Variants in SMAD3 observed in about 807,000 individuals in gnomAD.
SMAD3 encodes MAD homolog 3.
A neutral mutation model predicts 51.8 loss-of-function variants in SMAD3; 12 were observed. The observed-to-expected ratio is 0.23, with a 90% CI of 0.15 to 0.38. The LOEUF is 0.38. SMAD3 is among the 10% of genes least tolerant of loss of function. The pLI is 1.00. For missense variants in SMAD3, 294 were observed against 565.6 expected (o/e 0.52, Z 4.87); for synonymous variants, 238 against 227.7 (o/e 1.05, Z -0.41).
intron 1 of SMAD3, among the ~76,000 whole-genome samples, chr15:67,151,216 G>A (rs894677124): frequency 5.9e-5 from 9 of 152,102 alleles, no homozygotes; most frequent in African/African-American, 1.9e-4. Context: ...TTGTGTTTCA[G>A]TTCTACCTTG....
At chr15:67,098,245 TG>T (rs1672278998) in intron 1 of SMAD3, among the ~76,000 whole-genome samples, 1 of 150,690 alleles carries the variant, frequency 6.6e-6, no homozygotes, top group African/African-American at 2.5e-5. Flanking sequence ...GTTCATCATC[TG>T]TGAGATGAGA....
intron 1 of SMAD3, among the ~76,000 whole-genome samples, chr15:67,092,658 G>A (rs535674939): frequency 6.6e-6 from 1 of 152,328 alleles, no homozygotes; most frequent in African/African-American, 2.4e-5. Flanking sequence ...GCTGGGGGTA[G>A]GAGTGGTGGA....
chr15:67,181,142 A>G, intron 5 of SMAD3, 99 bp from the exon 6 acceptor site: 2 of 891,060 alleles, frequency 2.2e-6, no homozygotes, highest in Non-Finnish European at 3.6e-6. Flanking sequence ...TCCCTCTGAA[A>G]TGCGGGGAAA....
chr15:67,177,435 T>TTTTTTTTTTTTTTG (rs1555413211), intron 5 of SMAD3, among the ~76,000 whole-genome samples: 1 of 147,862 alleles, frequency 6.8e-6, no homozygotes, highest in African/African-American at 2.5e-5. Context: ...TTTTTTTTTT[T>TTTTTTTTTTTTTTG]GGTGTGTGGC....
chr15:67,070,212 C>G (rs986435930), intron 1 of SMAD3, among the ~76,000 whole-genome samples: 1 of 152,114 alleles, frequency 6.6e-6, no homozygotes, highest in African/African-American at 2.4e-5. Context: ...GGAAGCAAGC[C>G]CCCTTCCAGC....
chr15:67,153,484 T>C (rs1474032947), intron 1 of SMAD3, among the ~76,000 whole-genome samples: 1 of 55,934 alleles, frequency 1.8e-5, no homozygotes, highest in Admixed American at 2.6e-4. Context: ...AACTCCGTCT[T>C]GGGGGGCGGG....
chr15:67,191,856 A>G lies in SMAD3; in HGVS notation c.*1320A>G, dbSNP rs1963375497. On this transcript the variant is annotated 3_prime_UTR_variant, in exon 9 of 9. Transcript: ENST00000327367. ...AGCTCCCGGTAGAGGATCACCGGTG[A>G]CAACTATAGCAGTTGTATTGTGTAA... The G allele has an allele frequency of 4.4e-6, 1 of 229,600 alleles. No individual in the cohort carries two copies. The highest frequency in any genetic ancestry group is 8.7e-6 in the Non-Finnish European group (1 of 115,566). 14.2% of individuals were successfully genotyped at this position (229,600 alleles called of 1,614,324 possible).
intron 1 of SMAD3, among the ~76,000 whole-genome samples, chr15:67,110,122 A>G (rs1163933194): frequency 3.3e-5 from 5 of 152,240 alleles, no homozygotes; most frequent in African/African-American, 1.2e-4. Context: ...CTAGGTCGTC[A>G]GTGAATGAAA....
intron 5 of SMAD3, among the ~76,000 whole-genome samples, chr15:67,180,659 C>A (rs967741268): frequency 2.0e-5 from 3 of 151,858 alleles, no homozygotes; most frequent in Non-Finnish European, 2.9e-5. Flanking sequence ...GGAACCCACT[C>A]GGCTGCTGCA....
chr15:67,089,394 A>C (rs1026640478), intron 1 of SMAD3, among the ~76,000 whole-genome samples: 1 of 152,230 alleles, frequency 6.6e-6, no homozygotes, highest in African/African-American at 2.4e-5. Context: ...GGGAAAGTGC[A>C]CTGTATACTT....
chr15:67,128,678 C>T (rs1383298045), intron 1 of SMAD3, among the ~76,000 whole-genome samples: 1 of 151,990 alleles, frequency 6.6e-6, no homozygotes, highest in Admixed American at 6.6e-5. Context: ...CTCAAGAGAT[C>T]GTCCCACCTC....
At chr15:67,125,169 C>T (rs1182706522) in intron 1 of SMAD3, among the ~76,000 whole-genome samples, 5 of 152,238 alleles carry the variant, frequency 3.3e-5, no homozygotes, top group African/African-American at 1.2e-4. Flanking sequence ...GGCCCACCCA[C>T]TGCTGGGCCG....
intron 5 of SMAD3, among the ~76,000 whole-genome samples, chr15:67,171,405 G>C (rs888254802): frequency 6.6e-6 from 1 of 152,204 alleles, no homozygotes; most frequent in Non-Finnish European, 1.5e-5. Flanking sequence ...GCTTGGGATA[G>C]GCTTTGGCAT....
chr15:67,108,277 G>A (rs1335617173), intron 1 of SMAD3, among the ~76,000 whole-genome samples: 3 of 152,128 alleles, frequency 2.0e-5, no homozygotes, highest in Non-Finnish European at 4.4e-5. Flanking sequence ...CTGCCACCAT[G>A]GGAGAGGTCT....
At chr15:67,094,255 G>T (rs1308437009) in intron 1 of SMAD3, among the ~76,000 whole-genome samples, 2 of 152,216 alleles carry the variant, frequency 1.3e-5, no homozygotes, top group Non-Finnish European at 2.9e-5. Context: ...GCTGTGACCA[G>T]AAGTGGCATC....
intron 6 of SMAD3, among the ~76,000 whole-genome samples, chr15:67,182,175 T>C (rs991897069): frequency 6.6e-6 from 1 of 152,220 alleles, no homozygotes; most frequent in Non-Finnish European, 1.5e-5. Flanking sequence ...CTTCTCTTAT[T>C]TTCATGTATC....
chr15:67,121,273 G>T (rs1266868530), intron 1 of SMAD3, among the ~76,000 whole-genome samples: 1 of 152,212 alleles, frequency 6.6e-6, no homozygotes, highest in Non-Finnish European at 1.5e-5. Flanking sequence ...CTCGTTTCCT[G>T]TTGGGCTGTG....
intron 1 of SMAD3, among the ~76,000 whole-genome samples, chr15:67,106,977 C>T (rs572332899): frequency 6.6e-6 from 1 of 152,144 alleles, no homozygotes; most frequent in Admixed American, 6.5e-5. Context: ...TCCAGGGAGT[C>T]CAAGTGGAGT....
intron 1 of SMAD3, among the ~76,000 whole-genome samples, chr15:67,147,930 C>G (rs1320840907): frequency 6.6e-6 from 1 of 152,200 alleles, no homozygotes; most frequent in Non-Finnish European, 1.5e-5. Context: ...TTCTAACCTG[C>G]AGAAAGAGTC....
Sources: allele counts gnomAD v4.1 joint callset (sites outside exome capture counted in the v4.1 genomes callset), GRCh38; gene constraint gnomAD v4.1.1; transcripts MANE v1.5; gene names NCBI Gene and HGNC (gene_info 2026-07-23, HGNC 2026-07-21).